The following CACNA1H variants were observed in gnomAD, a reference collection of about 807,000 sequenced individuals.
CACNA1H encodes the protein calcium voltage-gated channel subunit alpha1 H, also known as voltage-dependent T-type calcium channel subunit alpha-1H.
Under a neutral mutation model 192.5 loss-of-function variants are expected in CACNA1H, and 149 were observed. The ratio of observed to expected loss-of-function variants is 0.77; its 90% CI spans 0.68 to 0.89. CACNA1H has a LOEUF of 0.89. Ranked by LOEUF, CACNA1H falls within the 40% of genes least tolerant of loss-of-function variation. The pLI is 0.00. For synonymous variants in CACNA1H, 2,202 were observed against 1,475.2 expected (o/e 1.49, Z -11.29); for missense variants, 4,257 against 3,423.5 (o/e 1.24, Z -6.08).
chr16:1,166,603 C>T (rs1457696230), intron 2 of CACNA1H, among the ~76,000 whole-genome samples: 1 of 152,152 alleles, frequency 6.6e-6, no homozygotes, highest in African/African-American at 2.4e-5. Context: ...AGAGGAAACC[C>T]TGCAGTCAGC....
At chr16:1,195,766 G>A (rs961604674) in intron 4 of CACNA1H, among the ~76,000 whole-genome samples, 160 bp from the exon 5 acceptor site, 7 of 152,260 alleles carry the variant, frequency 4.6e-5, no homozygotes, top group South Asian at 4.1e-4. Flanking sequence ...GTGACCAAGC[G>A]TTGTGCTCCT....
At chr16:1,198,503 T>C in intron 5 of CACNA1H, 112 bp from the exon 6 acceptor site, 1 of 1,177,148 alleles carries the variant, frequency 8.5e-7, no homozygotes, top group Non-Finnish European at 1.2e-6. Context: ...GCAGTGGGCG[T>C]GGACACCCAC....
In CACNA1H at chr16:1,195,024, G is replaced by A; in HGVS notation, c.352G>A (p.Gly118Ser). 1.2e-6 allele frequency: 2 copies of A among 1,612,144 alleles called. No individual in the cohort carries two copies. The highest frequency in any genetic ancestry group is 1.7e-6 in the Non-Finnish European group (2 of 1,179,404). Residue 118 changes from glycine to serine, a missense_variant, in exon 3 of 35, where the codon GGC becomes AGC. Coordinates refer to ENST00000348261, the MANE Select transcript of CACNA1H (RefSeq NM_021098.3). Reference sequence around the variant, plus strand: ...AATCATGCTCAACTGCGTGACCCTGGGCATGTTCCGGCCCTGTGAGGACGT... The same window carrying A: ...AATCATGCTCAACTGCGTGACCCTGAGCATGTTCCGGCCCTGTGAGGACGT... Reference protein sequence around the residue: ...LVIMLNCVTLGMFRPCEDVEC... With the variant: ...LVIMLNCVTLSMFRPCEDVEC...
chr16:1,171,602 T>G (rs968973857), intron 2 of CACNA1H, among the ~76,000 whole-genome samples: 5 of 152,178 alleles, frequency 3.3e-5, no homozygotes, highest in African/African-American at 1.2e-4. Context: ...CAGGCGGCTT[T>G]TGTCCCTCGG....
Position 1,171,330 on chromosome 16 carries a change from G to T in CACNA1H, c.299+17294G>T, listed in dbSNP as rs183130132. ...GCTTTGGGGCTGTCAGCAGCCCAGG[G>T]GGGTAAGAGGACGAGGCCCAGATGG... is the stretch of plus-strand genomic sequence containing the variant. On this transcript the variant is annotated intron_variant, in intron 2 of 34. Coordinates refer to ENST00000348261, the MANE Select transcript of CACNA1H (RefSeq NM_021098.3). Among the ~76,000 whole-genome samples, 329 of 152,288 alleles carry T rather than the reference G, an allele frequency of 2.2e-3. 2 individuals carry two copies. The highest frequency in any genetic ancestry group is 7.7e-3 in the African/African-American group (320 of 41,560).
At chr16:1,160,846 C>A (rs1365745651) in intron 2 of CACNA1H, among the ~76,000 whole-genome samples, 1 of 152,106 alleles carries the variant, frequency 6.6e-6, no homozygotes, top group Non-Finnish European at 1.5e-5. Flanking sequence ...GTTTGGAGGC[C>A]CCGTGCAGCG....
In CACNA1H at chr16:1,220,945, C is replaced by A. The variant is rs757713867; in HGVS notation, c.7013C>A (p.Ser2338Tyr). The A allele has an allele frequency of 5.0e-6, 8 of 1,606,820 alleles. No homozygotes were observed. The African/African-American group carries it at 9.4e-5, about 19-fold the overall frequency. ...VPQCPLEKPG[S>Y]PSATPAPGGG... ...CAGTGTCCTCTGGAGAAACCAGGGT[C>A]CCCCTCAGCCACCCCTGCCCCAGGG... The change falls in exon 35 of 35, where the codon TCC (serine) becomes TAC (tyrosine). Residue 2338 changes from serine (S) to tyrosine (Y), a missense_variant. Transcript: ENST00000348261.
intron 12 of CACNA1H, chr16:1,206,791 TG>T (rs1968770143): frequency 3.6e-6 from 2 of 548,676 alleles, no homozygotes; most frequent in South Asian, 4.8e-5. Context: ...TTCTCTCGCC[TG>T]TGGAATGGAC....
chr16:1,165,377 C>T (rs144934984), intron 2 of CACNA1H, among the ~76,000 whole-genome samples: 6 of 152,332 alleles, frequency 3.9e-5, no homozygotes, highest in East Asian at 1.9e-4. Context: ...CACGCTCTTT[C>T]GTGACAGCAC....
chr16:1,159,676 T>A (rs1240759393), intron 2 of CACNA1H: 3 of 152,312 alleles, frequency 2.0e-5, no homozygotes, highest in Non-Finnish European at 2.9e-5. Context: ...AGGAAGTCGA[T>A]GAGAGAGACG....
intron 4 of CACNA1H, 75 bp downstream of exon 4, chr16:1,195,640 C>T: frequency 2.7e-6 from 4 of 1,483,850 alleles, no homozygotes; most frequent in African/African-American, 1.4e-5. Flanking sequence ...CTGTGTCCCA[C>T]CTGTAAAGAA....
intron 2 of CACNA1H, among the ~76,000 whole-genome samples, chr16:1,189,572 ATTTT>A (rs1272493579): frequency 6.6e-6 from 1 of 150,768 alleles, no homozygotes; most frequent in Non-Finnish European, 1.5e-5. Context: ...CCAAAATTTA[ATTTT>A]TTTGTTAAAT....
chr16:1,215,703 T>G, intron 30 of CACNA1H, 110 bp downstream of exon 30: 1 of 887,002 alleles, frequency 1.1e-6, no homozygotes, highest in Non-Finnish European at 1.8e-6. Flanking sequence ...CCCTCGGTTG[T>G]GTGGTGGCTG....
At chr16:1,163,944 C>T (rs1157630448) in intron 2 of CACNA1H, among the ~76,000 whole-genome samples, 1 of 152,210 alleles carries the variant, frequency 6.6e-6, no homozygotes, top group Non-Finnish European at 1.5e-5. Flanking sequence ...GGCTCAGCTT[C>T]TTGGTTAGTG....
chr16:1,175,940 A>G (rs1596328135), intron 2 of CACNA1H, among the ~76,000 whole-genome samples: 1 of 151,500 alleles, frequency 6.6e-6, no homozygotes, highest in South Asian at 2.1e-4. Flanking sequence ...CTGGAGTTTG[A>G]CCCCAGTTCC....
At position 1,218,010 on chromosome 16, in the gene CACNA1H, C is replaced by T. The variant is rs778594350; in HGVS notation, c.5415C>T (p.Ser1805=). The change falls in exon 32 of 35, where the codon TCC becomes TCT. Residue 1805 remains serine, a synonymous_variant. Coordinates refer to ENST00000348261, the MANE Select transcript of CACNA1H (RefSeq NM_021098.3). ...CCTTCCTCACGCTGTTCCGCGTGTC[C>T]ACGGGGGACAACTGGAACGGGATCA... ...GMAFLTLFRV[S]TGDNWNGIMK... 3 of 1,601,288 alleles carry T rather than the reference C, an allele frequency of 1.9e-6. No homozygotes were observed. Among genetic ancestry groups the T allele is most frequent in the East Asian group, 4.5e-5 (2 of 44,274 alleles).
At chr16:1,208,894 C>A in intron 16 of CACNA1H, 138 bp from the exon 17 acceptor site, 3 of 938,520 alleles carry the variant, frequency 3.2e-6, no homozygotes, top group South Asian at 2.5e-5. Context: ...CCTAAAATCA[C>A]AGCCTCCACC....
chr16:1,168,992 A>G (rs1964086488), intron 2 of CACNA1H, among the ~76,000 whole-genome samples: 1 of 152,062 alleles, frequency 6.6e-6, no homozygotes, highest in African/African-American at 2.4e-5. Context: ...TCTTAGGGTG[A>G]TGCCAGGGCG....
At position 1,213,971 on chromosome 16, in the gene CACNA1H, C is replaced by T. The variant is rs759619484; in HGVS notation, c.4929+40C>T. 1.1e-5 allele frequency: 17 copies of T among 1,559,010 alleles called. 1 individual carries two copies. The South Asian group carries it at 1.4e-4, about 13-fold the overall frequency. ...GCCGCGAGGGGCCCAGGGGCTGGGG[C>T]ACCCCCAGTGGGGCAGCCAACACAG... is the stretch of plus-strand genomic sequence containing the variant. On this transcript the variant is annotated intron_variant, in intron 27 of 34. Transcript: ENST00000348261.
Sources: allele counts gnomAD v4.1 joint callset (sites outside exome capture counted in the v4.1 genomes callset), GRCh38; gene constraint gnomAD v4.1.1; transcripts MANE v1.5; gene names NCBI Gene and HGNC (gene_info 2026-07-23, HGNC 2026-07-21).